The following C1orf141 variants were observed in gnomAD, a reference collection of about 807,000 sequenced individuals.
C1orf141 encodes the protein chromosome 1 open reading frame 141.
In C1orf141, 19 loss-of-function variants were observed where a neutral mutation model predicts 23.2. The ratio of observed to expected loss-of-function variants is 0.82; its 90% CI spans 0.57 to 1.20. The LOEUF (loss-of-function observed/expected upper bound fraction) is 1.20. Among genes scored for constraint, C1orf141 ranks in the 50% most tolerant of loss-of-function variants. C1orf141 has a pLI of 0.00. For missense variants in C1orf141, 469 were observed against 455.1 expected (o/e 1.03, Z -0.28); for synonymous variants, 153 against 154.6 (o/e 0.99, Z 0.08).
intron 5 of C1orf141, among the ~76,000 whole-genome samples, chr1:67,113,068 C>A (rs1286477954): frequency 6.6e-6 from 1 of 152,334 alleles, no homozygotes; most frequent in East Asian, 1.9e-4. Flanking sequence ...CAGTCTCCAC[C>A]TCCTGGGTTC....
chr1:67,103,332 T>A, intron 5 of C1orf141: 1 of 1,487,100 alleles, frequency 6.7e-7, no homozygotes, highest in Non-Finnish European at 9.1e-7. Context: ...ATCTTCTACA[T>A]GCTTGTCTAT....
intron 2 of C1orf141, among the ~76,000 whole-genome samples, chr1:67,128,629 A>C (rs1484340204): frequency 6.6e-6 from 1 of 151,958 alleles, no homozygotes; most frequent in African/African-American, 2.4e-5. Flanking sequence ...TGAACCCAGG[A>C]GGCAGAGGTT....
At chr1:67,119,663 G>T (rs895729914) in intron 4 of C1orf141, among the ~76,000 whole-genome samples, 2 of 152,198 alleles carry the variant, frequency 1.3e-5, no homozygotes, top group African/African-American at 4.8e-5. Context: ...CTCAACAGAA[G>T]CCAGGAATAG....
intron 2 of C1orf141, among the ~76,000 whole-genome samples, chr1:67,130,863 G>C (rs1016066423): frequency 6.6e-6 from 1 of 152,088 alleles, no homozygotes; most frequent in Non-Finnish European, 1.5e-5. Context: ...TTCTCCCATC[G>C]GTCTTTGGCA....
At chr1:67,136,953 C>A (rs923024498), upstream of C1orf141, among the ~76,000 whole-genome samples, 1 of 151,990 alleles carries the variant, frequency 6.6e-6, no homozygotes, top group African/African-American at 2.4e-5. Context: ...AGTTCATGAA[C>A]CTATTATAGA....
At chr1:67,134,103 A>T (rs912292769) in intron 1 of C1orf141, among the ~76,000 whole-genome samples, 3 of 152,178 alleles carry the variant, frequency 2.0e-5, no homozygotes, top group African/African-American at 7.2e-5. Context: ...TCCCAGGTTC[A>T]AGCGATTCTC....
chr1:67,125,554 C>A (rs1017410685), intron 4 of C1orf141, among the ~76,000 whole-genome samples, 198 bp downstream of exon 4: 1 of 152,014 alleles, frequency 6.6e-6, no homozygotes, highest in Non-Finnish European at 1.5e-5. Flanking sequence ...AAAAAATTAG[C>A]TGGGCATGGT....
chr1:67,108,036 T>G (rs187402599), intron 5 of C1orf141, among the ~76,000 whole-genome samples: 78 of 152,292 alleles, frequency 5.1e-4, no homozygotes, highest in Non-Finnish European at 9.0e-4. Context: ...AGGTTTTCAT[T>G]CTGGGGATAG....
intron 5 of C1orf141, chr1:67,113,789 G>A (rs1163279937): frequency 9.7e-7 from 1 of 1,029,596 alleles, no homozygotes. Flanking sequence ...ATGGATTAGA[G>A]ATTTTTGCTA....
chr1:67,122,788 C>T (rs989640619), intron 4 of C1orf141: 1 of 152,110 alleles, frequency 6.6e-6, no homozygotes, highest in East Asian at 1.9e-4. Context: ...ATAGTTTCTT[C>T]TTGATTACCA....
intron 5 of C1orf141, among the ~76,000 whole-genome samples, chr1:67,099,505 T>A (rs1645753116): frequency 6.6e-6 from 1 of 152,002 alleles, no homozygotes; most frequent in Non-Finnish European, 1.5e-5. Flanking sequence ...TGGGGCTGAG[T>A]GTGGTGGCTC....
chr1:67,103,179 A>C (rs1455602313), intron 5 of C1orf141: 8 of 915,994 alleles, frequency 8.7e-6, no homozygotes, highest in Non-Finnish European at 1.2e-5. Context: ...ATGCTTACAC[A>C]CTAATTTTAG....
At chr1:67,137,918 A>AT (rs1024521247), upstream of C1orf141, among the ~76,000 whole-genome samples, 81 of 152,118 alleles carry the variant, frequency 5.3e-4, no homozygotes, top group African/African-American at 1.7e-3. Context: ...AGAAAAGAGC[A>AT]TTTTTTTTCC....
chr1:67,103,093 A>T, intron 5 of C1orf141: 1 of 469,714 alleles, frequency 2.1e-6, no homozygotes, highest in Middle Eastern at 5.8e-4. Flanking sequence ...GTTTAAGAGT[A>T]AGAAAAGAAG....
At chr1:67,140,063 C>T (rs1443386200) in intron 1 of C1orf141, among the ~76,000 whole-genome samples, 2 of 152,298 alleles carry the variant, frequency 1.3e-5, no homozygotes, top group East Asian at 3.9e-4. Context: ...AGAAGTCCCT[C>T]ACCAGATGTG....
At chr1:67,125,237 A>G (rs942775819) in intron 4 of C1orf141, among the ~76,000 whole-genome samples, 1 of 152,028 alleles carries the variant, frequency 6.6e-6, no homozygotes, top group Non-Finnish European at 1.5e-5. Context: ...AATTGTAATT[A>G]CCATCTACAC....
At chr1:67,097,201 C>T (rs893292735) in intron 5 of C1orf141, among the ~76,000 whole-genome samples, 10 of 151,544 alleles carry the variant, frequency 6.6e-5, no homozygotes, top group Non-Finnish European at 4.4e-5. Flanking sequence ...CTCAAAAAAA[C>T]AAAAACAAAA....
At chr1:67,123,507 G>A (rs1646341940) in intron 4 of C1orf141, 1 of 151,980 alleles carries the variant, frequency 6.6e-6, no homozygotes, top group Non-Finnish European at 1.5e-5. Flanking sequence ...TTATTTGGCT[G>A]AGGTATAACT....
intron 2 of C1orf141, among the ~76,000 whole-genome samples, chr1:67,129,674 C>A (rs1570735997): frequency 6.6e-6 from 1 of 152,168 alleles, no homozygotes; most frequent in Non-Finnish European, 1.5e-5. Flanking sequence ...GGGCACAGAA[C>A]ATCGCTCCAA....
Sources: gnomAD v4.1 joint callset for allele counts (sites outside exome capture counted in the v4.1 genomes callset) on GRCh38, gnomAD v4.1.1 for gene constraint, MANE v1.5 for transcripts, NCBI Gene and HGNC (gene_info 2026-07-23, HGNC 2026-07-21) for gene names.